AFG2A: variants seen among roughly 807,000 people sequenced by gnomAD.
AFG2A encodes the protein ATPase family gene 2 protein homolog A.
the AFG2A span, among the ~76,000 whole-genome samples, chr4:123,170,027 G>A: frequency 0.013 from 1,934 of 152,242 alleles, 17 homozygotes; most frequent in African/African-American, 0.019. Context: ...GTTAGGGTTC[G>A]TTTTGGAGGT....
chr4:123,026,504 G>A, the AFG2A span, among the ~76,000 whole-genome samples: 5 of 152,086 alleles, frequency 3.3e-5, no homozygotes, highest in African/African-American at 9.7e-5. Flanking sequence ...AATTTGTGTT[G>A]GACTGAAGGT....
the AFG2A span, chr4:123,056,279 C>A: frequency 1.0e-6 from 1 of 989,664 alleles, no homozygotes; most frequent in East Asian, 2.9e-5. Flanking sequence ...GATTAATAAG[C>A]AGATTTTGTT....
the AFG2A span, among the ~76,000 whole-genome samples, chr4:123,002,195 T>C: frequency 2.6e-5 from 4 of 152,104 alleles, no homozygotes; most frequent in Admixed American, 2.0e-4. Context: ...AGCCTGTGTG[T>C]GTCTCTGCAT....
At chr4:123,020,454 C>T in the AFG2A span, among the ~76,000 whole-genome samples, 3 of 151,412 alleles carry the variant, frequency 2.0e-5, no homozygotes, top group African/African-American at 7.3e-5. Context: ...GTGTAACCTC[C>T]GCCTCCCTGG....
chr4:123,046,285 T>C, the AFG2A span, among the ~76,000 whole-genome samples: 1 of 152,196 alleles, frequency 6.6e-6, no homozygotes, highest in Admixed American at 6.5e-5. Context: ...AAGCTGTCTT[T>C]TGTGTGCTCT....
chr4:123,225,766 A>T, the AFG2A span, among the ~76,000 whole-genome samples: 3 of 152,100 alleles, frequency 2.0e-5, no homozygotes, highest in Non-Finnish European at 4.4e-5. Context: ...TGGTAGTTTG[A>T]TGGGGATGGC....
At chr4:122,937,775 C>A in the AFG2A span, among the ~76,000 whole-genome samples, 1 of 152,086 alleles carries the variant, frequency 6.6e-6, no homozygotes, top group Admixed American at 6.5e-5. Context: ...GGTTTCAAAC[C>A]TGCTCCAAGG....
chr4:122,931,592 T>C, the AFG2A span, among the ~76,000 whole-genome samples: 1 of 152,182 alleles, frequency 6.6e-6, no homozygotes, highest in Non-Finnish European at 1.5e-5. Flanking sequence ...TTATTTTCTT[T>C]ATTTTACAAA....
At chr4:123,308,874 C>T in the AFG2A span, among the ~76,000 whole-genome samples, 1 of 152,186 alleles carries the variant, frequency 6.6e-6, no homozygotes, top group Non-Finnish European at 1.5e-5. Context: ...GCTTTGGCTG[C>T]TACCACTGTT....
At chr4:122,931,311 C>G in the AFG2A span, among the ~76,000 whole-genome samples, 1 of 152,084 alleles carries the variant, frequency 6.6e-6, no homozygotes, top group Non-Finnish European at 1.5e-5. Context: ...ATTTCCCCCT[C>G]ATTGTATTTC....
chr4:123,042,217 C>T, the AFG2A span, among the ~76,000 whole-genome samples: 3 of 152,170 alleles, frequency 2.0e-5, no homozygotes, highest in African/African-American at 4.8e-5. Flanking sequence ...ATCTATTTCT[C>T]ACAATCCTGG....
At chr4:123,132,597 C>CATATATATATATATATATATATGTGCAT in the AFG2A span, among the ~76,000 whole-genome samples, 3 of 140,360 alleles carry the variant, frequency 2.1e-5, no homozygotes, top group African/African-American at 7.9e-5. Context: ...GATGTGTGTA[C>CATATATATATATATATATATATGTGCAT]ATATATATAT....
chr4:123,048,674 T>C, the AFG2A span, among the ~76,000 whole-genome samples: 1 of 152,128 alleles, frequency 6.6e-6, no homozygotes, highest in African/African-American at 2.4e-5. Flanking sequence ...TTCAAATTAA[T>C]TGCTATTGGT....
the AFG2A span, among the ~76,000 whole-genome samples, chr4:122,944,590 C>T: frequency 8.5e-5 from 13 of 152,120 alleles, no homozygotes; most frequent in African/African-American, 1.9e-4. Context: ...AATTTCCTCC[C>T]GTAGCTCGGA....
chr4:123,264,630 C>T, the AFG2A span, among the ~76,000 whole-genome samples: 1 of 152,118 alleles, frequency 6.6e-6, no homozygotes, highest in Non-Finnish European at 1.5e-5. Flanking sequence ...ATATTTAGGA[C>T]TGTAACTTTT....
the AFG2A span, among the ~76,000 whole-genome samples, chr4:123,114,152 G>A: frequency 6.6e-6 from 1 of 152,102 alleles, no homozygotes; most frequent in South Asian, 2.1e-4. Flanking sequence ...GCTCTGCTCT[G>A]CTCTGGCTGA....
chr4:122,934,818 C>T, the AFG2A span: 2 of 1,467,046 alleles, frequency 1.4e-6, no homozygotes, highest in South Asian at 1.5e-5. Context: ...AATGATTGCT[C>T]ATCCTCTTTT....
At chr4:123,128,323 G>T in the AFG2A span, among the ~76,000 whole-genome samples, 1 of 152,206 alleles carries the variant, frequency 6.6e-6, no homozygotes, top group Non-Finnish European at 1.5e-5. Flanking sequence ...CTGGTAGTTT[G>T]TGGGAAATTA....
chr4:123,295,943 G>A, the AFG2A span, among the ~76,000 whole-genome samples: 2 of 152,174 alleles, frequency 1.3e-5, no homozygotes, highest in Non-Finnish European at 2.9e-5. Flanking sequence ...AGAGAAAAGC[G>A]TGAATACTAT....
Sources: gnomAD v4.1 joint callset for allele counts (sites outside exome capture counted in the v4.1 genomes callset) on GRCh38, gnomAD v4.1.1 for gene constraint, MANE v1.5 for transcripts, NCBI Gene and HGNC (gene_info 2026-07-23, HGNC 2026-07-21) for gene names.